Variants in CPAP observed in about 807,000 individuals in gnomAD.
CPAP encodes centrosomal P4.1-associated protein.
At chr13:24,905,390 A>G in the CPAP span, 3 of 1,614,122 alleles carry the variant, frequency 1.9e-6, no homozygotes, top group Non-Finnish European at 2.5e-6. Context: ...TTCATTTCCC[A>G]AGTGTGAATC....
the CPAP span, among the ~76,000 whole-genome samples, chr13:24,923,628 G>A: frequency 6.6e-6 from 1 of 152,122 alleles, no homozygotes; most frequent in African/African-American, 2.4e-5. Flanking sequence ...TGATTAAACA[G>A]CAGGCCAAGT....
chr13:24,925,602 TAAAAAG>T, the CPAP span, among the ~76,000 whole-genome samples: 1 of 151,896 alleles, frequency 6.6e-6, no homozygotes, highest in Non-Finnish European at 1.5e-5. Flanking sequence ...CGCCAACTCT[TAAAAAG>T]AAAAAAAGTG....
chr13:24,883,045 A>G, the CPAP span: 1 of 783,468 alleles, frequency 1.3e-6, no homozygotes, highest in Admixed American at 2.1e-5. Context: ...AAGATGCCAC[A>G]GGGTAAACTT....
At chr13:24,899,646 C>A in the CPAP span, 1 of 1,338,656 alleles carries the variant, frequency 7.5e-7, no homozygotes, top group Non-Finnish European at 1.1e-6. Flanking sequence ...ATGTGCAGAA[C>A]CTGCTGACAG....
chr13:24,890,964 C>T, the CPAP span, among the ~76,000 whole-genome samples: 17 of 151,848 alleles, frequency 1.1e-4, no homozygotes, highest in East Asian at 3.9e-4. Flanking sequence ...TTAATTTTAC[C>T]GTCTTAAAAA....
chr13:24,923,516 G>A, the CPAP span, among the ~76,000 whole-genome samples: 1 of 152,154 alleles, frequency 6.6e-6, no homozygotes, highest in Non-Finnish European at 1.5e-5. Context: ...CAGAATTCAA[G>A]AAATTTTTTT....
At chr13:24,899,767 T>C in the CPAP span, among the ~76,000 whole-genome samples, 2 of 152,090 alleles carry the variant, frequency 1.3e-5, no homozygotes, top group Non-Finnish European at 2.9e-5. Context: ...GTGCCTACGA[T>C]GAATCAGGCA....
At chr13:24,905,969 T>C in the CPAP span, 2 of 1,614,082 alleles carry the variant, frequency 1.2e-6, no homozygotes, top group African/African-American at 1.3e-5. Context: ...GTCACGTGCA[T>C]TCCATTCAGT....
the CPAP span, among the ~76,000 whole-genome samples, chr13:24,902,267 CA>C: frequency 6.6e-6 from 1 of 151,726 alleles, no homozygotes; most frequent in Admixed American, 6.6e-5. Flanking sequence ...AACAAAAAAA[CA>C]AAAACCCAGC....
the CPAP span, among the ~76,000 whole-genome samples, chr13:24,910,266 A>G: frequency 1.3e-5 from 2 of 152,198 alleles, no homozygotes; most frequent in African/African-American, 4.8e-5. Flanking sequence ...CTCTGTCGCC[A>G]AGGCTGAAGT....
chr13:24,924,988 TC>T, the CPAP span: 1 of 152,178 alleles, frequency 6.6e-6, no homozygotes, highest in Non-Finnish European at 1.5e-5. Context: ...TAGTAAAAAG[TC>T]AATGAACAGG....
At chr13:24,913,017 C>A in the CPAP span, 1 of 1,613,688 alleles carries the variant, frequency 6.2e-7, no homozygotes, top group Non-Finnish European at 8.5e-7. Flanking sequence ...AGGTTGGCAT[C>A]AGGAACATCT....
chr13:24,925,254 G>A, the CPAP span, among the ~76,000 whole-genome samples: 53 of 152,290 alleles, frequency 3.5e-4, no homozygotes, highest in African/African-American at 1.2e-3. Context: ...TGGAATTACA[G>A]GCATGAGCCA....
At chr13:24,896,683 G>C in the CPAP span, among the ~76,000 whole-genome samples, 1 of 152,214 alleles carries the variant, frequency 6.6e-6, no homozygotes, top group Non-Finnish European at 1.5e-5. Flanking sequence ...GGAAGAAGTA[G>C]TCAGGATCAG....
the CPAP span, chr13:24,883,427 C>T: frequency 2.2e-6 from 3 of 1,365,618 alleles, no homozygotes; most frequent in Middle Eastern, 2.5e-4. Flanking sequence ...AAATAAACAA[C>T]AGAAAAACTA....
chr13:24,919,225 T>C, the CPAP span, among the ~76,000 whole-genome samples: 8 of 152,210 alleles, frequency 5.3e-5, no homozygotes, highest in Non-Finnish European at 7.3e-5. Context: ...CAATTGTCCA[T>C]AGACCCTTCT....
chr13:24,908,255 A>G, the CPAP span: 5 of 651,988 alleles, frequency 7.7e-6, no homozygotes, highest in African/African-American at 9.2e-5. Context: ...AGATTTTACA[A>G]CACTCAAGGA....
At chr13:24,908,394 T>C in the CPAP span, among the ~76,000 whole-genome samples, 3 of 134,108 alleles carry the variant, frequency 2.2e-5, no homozygotes, top group Admixed American at 8.7e-5. Flanking sequence ...AGGCCAGGAA[T>C]TCGAGCCCAG....
At chr13:24,911,342 C>T in the CPAP span, among the ~76,000 whole-genome samples, 2 of 152,142 alleles carry the variant, frequency 1.3e-5, no homozygotes, top group Non-Finnish European at 2.9e-5. Flanking sequence ...TGGCACGTGA[C>T]GCTTTCCGTT....
Sources: gnomAD v4.1 joint callset for allele counts (sites outside exome capture counted in the v4.1 genomes callset) on GRCh38, gnomAD v4.1.1 for gene constraint, MANE v1.5 for transcripts, NCBI Gene and HGNC (gene_info 2026-07-23, HGNC 2026-07-21) for gene names.